Variants in CLEC6A observed in about 807,000 individuals in gnomAD.
The protein encoded by CLEC6A is C-type lectin domain containing 6A, also known as C-type lectin domain family 6 member A.
CLEC6A carries 22 observed loss-of-function variants against 25.7 expected under a neutral mutation model. That is an observed-to-expected ratio of 0.85 (90% CI 0.61 to 1.22). CLEC6A has a LOEUF of 1.22. Ranked by LOEUF, CLEC6A falls within the 50% of genes most tolerant of loss-of-function variation. The pLI, the probability that CLEC6A is intolerant of heterozygous loss-of-function variation, is 0.00. For synonymous variants in CLEC6A, 92 were observed against 76.7 expected (o/e 1.20, Z -1.04); for missense variants, 240 against 236.8 (o/e 1.01, Z -0.09).
At chr12:8,462,785 T>C (rs907295301) in intron 3 of CLEC6A, among the ~76,000 whole-genome samples, 32 of 152,148 alleles carry the variant, frequency 2.1e-4, no homozygotes, top group South Asian at 8.3e-4. Context: ...GCTGGTTCCC[T>C]GGGTCCCCTT....
intron 3 of CLEC6A, among the ~76,000 whole-genome samples, chr12:8,463,478 T>G (rs1939790789): frequency 6.6e-6 from 1 of 152,190 alleles, no homozygotes; most frequent in Non-Finnish European, 1.5e-5. Flanking sequence ...GCTCACTAAG[T>G]CAGTAAATTA....
At chr12:8,461,330 CAT>C (rs895632665) in intron 3 of CLEC6A, 32 of 501,052 alleles carry the variant, frequency 6.4e-5, no homozygotes, top group African/African-American at 5.6e-4. Flanking sequence ...AAGTAAAGTG[CAT>C]AGTTTTCTTC....
chr12:8,470,931 T>C (rs1037111730), intron 4 of CLEC6A, among the ~76,000 whole-genome samples: 2 of 152,090 alleles, frequency 1.3e-5, no homozygotes, highest in African/African-American at 4.8e-5. Flanking sequence ...AGTCATGGGA[T>C]TTATATATAT....
At chr12:8,467,272 A>G (rs1939845728) in intron 4 of CLEC6A, among the ~76,000 whole-genome samples, 1 of 152,070 alleles carries the variant, frequency 6.6e-6, no homozygotes, top group Non-Finnish European at 1.5e-5. Context: ...TGCTAATTTC[A>G]ATGTCATGAA....
intron 4 of CLEC6A, among the ~76,000 whole-genome samples, chr12:8,467,757 C>G (rs1480894065): frequency 6.6e-6 from 1 of 152,106 alleles, no homozygotes; most frequent in Non-Finnish European, 1.5e-5. Context: ...CACATTGACT[C>G]TTTAGATTGC....
chr12:8,476,234 A>G lies in CLEC6A; in HGVS notation c.479A>G (p.Asn160Ser), dbSNP rs775265136. 5.0e-6 allele frequency: 8 copies of G among 1,586,230 alleles called. No individual in the cohort carries two copies. The highest frequency in any genetic ancestry group is 6.9e-6 in the Non-Finnish European group (8 of 1,162,106). The change falls in exon 5 of 6, where the codon AAT (asparagine) becomes AGT (serine). Residue 160 changes from asparagine to serine, a missense_variant. By Grantham distance (46) the Asn-to-Ser change is conservative (BLOSUM62 1). Transcript: ENST00000382073. Reference sequence around the variant, plus strand: ...ATTGATAAGACACCTTATGAGAAAAATGTCAGGTGAGTGCAGTTCTGGGGC... The same window carrying G: ...ATTGATAAGACACCTTATGAGAAAAGTGTCAGGTGAGTGCAGTTCTGGGGC... ...QWIDKTPYEK[N>S]VRFWHLGEPN...
chr12:8,476,119 A>G lies in CLEC6A; in HGVS notation c.370-6A>G, dbSNP rs1228569268. ...GTCTTTGACTCCTTTTTTTTCCTTC[A>G]TGCAGAATTTCATTGTCCAGCAGCT... On this transcript the variant is annotated splice_region_variant and splice_polypyrimidine_tract_variant and intron_variant, in intron 4 of 5. Transcript: ENST00000382073. 1 of 1,580,162 alleles carries G rather than the reference A, an allele frequency of 6.3e-7. No homozygotes were observed. The highest frequency in any genetic ancestry group is 1.8e-5 in the Admixed American group (1 of 56,170).
intron 1 of CLEC6A, among the ~76,000 whole-genome samples, 168 bp downstream of exon 1, chr12:8,456,310 G>A (rs1337812082): frequency 1.3e-5 from 2 of 152,190 alleles, no homozygotes; most frequent in South Asian, 2.1e-4. Context: ...AGAGCCATAA[G>A]CACTTGAAAG....
Position 8,465,243 on chromosome 12 carries a change from C to CTT in CLEC6A, c.224-229_224-228dup, listed in dbSNP as rs11420799. Among the ~76,000 whole-genome samples the CTT allele has an allele frequency of 5.8e-3, 844 of 145,598 alleles. 4 individuals carry two copies. The highest frequency in any genetic ancestry group is 0.01 in the Middle Eastern group (3 of 286). ...CATGAAAAACAAAACTCAATAGTGACTTTTTTTTTTTTTGCAAAAAAGAAA... is the reference window on the plus strand; with the variant it reads ...CATGAAAAACAAAACTCAATAGTGACTTTTTTTTTTTTTTTGCAAAAAAGAAA... On this transcript the variant is annotated intron_variant, in intron 3 of 5. Transcript: ENST00000382073.
intron 4 of CLEC6A, among the ~76,000 whole-genome samples, chr12:8,467,852 G>C (rs544303341): frequency 2.0e-5 from 3 of 152,202 alleles, no homozygotes; most frequent in Non-Finnish European, 4.4e-5. Context: ...CTTTATCAAT[G>C]TTTTGTAGTT....
chr12:8,459,883 T>C (rs1420200424), intron 3 of CLEC6A, among the ~76,000 whole-genome samples, 185 bp downstream of exon 3: 1 of 152,190 alleles, frequency 6.6e-6, no homozygotes, highest in Non-Finnish European at 1.5e-5. Context: ...GCCTCCAGAA[T>C]AATTTCTTCA....
chr12:8,476,828 G>T (rs945313084), intron 5 of CLEC6A, among the ~76,000 whole-genome samples: 1 of 152,018 alleles, frequency 6.6e-6, no homozygotes, highest in Non-Finnish European at 1.5e-5. Context: ...ACCAGGTCTT[G>T]TAATTCCAAA....
chr12:8,465,371 G>T lies in CLEC6A; in HGVS notation c.224-113G>T, dbSNP rs74475938. On this transcript the variant is annotated intron_variant, in intron 3 of 5. Coordinates refer to ENST00000382073, the MANE Select transcript of CLEC6A (RefSeq NM_001007033.2). ...CTAGGAACCCAAATTCTATAATTCA[G>T]GAAACAGTAAAAACGTGAATTAAGA... 332 of 1,014,842 alleles carry T rather than the reference G, an allele frequency of 3.3e-4. 1 individual carries two copies. In the African/African-American group the frequency reaches 4.7e-3, roughly 14 times the overall value. 62.9% of individuals were successfully genotyped at this position (1,014,842 alleles called of 1,614,324 possible). A position where few individuals can be genotyped will look rare whatever the true frequency, so the allele number is the denominator to read the frequency against.
intron 3 of CLEC6A, chr12:8,460,750 C>T (rs1939742565): frequency 7.0e-7 from 1 of 1,434,812 alleles, no homozygotes; most frequent in South Asian, 1.1e-5. Flanking sequence ...CCCCACCTGG[C>T]CTGATAAAGC....
intron 4 of CLEC6A, among the ~76,000 whole-genome samples, chr12:8,473,769 A>G (rs934476682): frequency 1.1e-4 from 17 of 152,012 alleles, no homozygotes; most frequent in Non-Finnish European, 2.4e-4. Flanking sequence ...TAATAGCCAT[A>G]CTGACTGCTG....
rs141483310 is a variant in CLEC6A, at chr12:8,477,361, G to A, written c.527G>A (p.Cys176Tyr). 3.7e-6 allele frequency: 6 copies of A among 1,612,346 alleles called. No homozygotes were observed. Among genetic ancestry groups the A allele is most frequent in the Middle Eastern group, 1.7e-4 (1 of 6,054 alleles). ...GAGCCCAATCATTCTGCAGAGCAAT[G>A]TGCTTCAATAGTCTTCTGGAAACCT... is the stretch of plus-strand genomic sequence containing the variant. ...LGEPNHSAEQ[C>Y]ASIVFWKPTG... Residue 176 changes from cysteine to tyrosine, a missense_variant, in exon 6 of 6, where the codon TGT becomes TAT. Physicochemically the swap from Cys to Tyr is radical, Grantham distance 194 (BLOSUM62 -2). Transcript: ENST00000382073.
chr12:8,460,438 G>A (rs1565481796), intron 3 of CLEC6A, among the ~76,000 whole-genome samples: 1 of 152,124 alleles, frequency 6.6e-6, no homozygotes, highest in African/African-American at 2.4e-5. Context: ...AACAGTAAGG[G>A]GGAAACCACC....
chr12:8,462,447 C>T (rs1449012316), intron 3 of CLEC6A, among the ~76,000 whole-genome samples: 1 of 138,568 alleles, frequency 7.2e-6, no homozygotes, highest in East Asian at 2.1e-4. Context: ...CGTCCATGGG[C>T]AATGGAATGT....
In CLEC6A at chr12:8,477,518, A is replaced by C; in HGVS notation, c.*54A>C. On this transcript the variant is annotated 3_prime_UTR_variant, in exon 6 of 6. Transcript: ENST00000382073. ...AATTACTGACGTAATTTTTTCCCTG[A>C]CGTCTTTAAAATTGAACCCTATCAT... is the stretch of plus-strand genomic sequence containing the variant. 3 of 1,426,862 alleles carry C rather than the reference A, an allele frequency of 2.1e-6. No homozygotes were observed. The highest frequency in any genetic ancestry group is 1.3e-5 in the South Asian group (1 of 74,452). 88.4% of individuals were successfully genotyped at this position (1,426,862 alleles called of 1,614,324 possible).
Sources: allele counts gnomAD v4.1 joint callset (sites outside exome capture counted in the v4.1 genomes callset), GRCh38; gene constraint gnomAD v4.1.1; transcripts MANE v1.5; gene names NCBI Gene and HGNC (gene_info 2026-07-23, HGNC 2026-07-21).